The following KIF13B variants were observed in gnomAD, a reference collection of about 807,000 sequenced individuals.
KIF13B encodes kinesin-like protein KIF13B.
A neutral mutation model predicts 222.0 loss-of-function variants in KIF13B; 127 were observed. The ratio of observed to expected loss-of-function variants is 0.57; its 90% CI spans 0.50 to 0.66. The LOEUF (loss-of-function observed/expected upper bound fraction) is 0.66, where lower values mean the gene tolerates loss of function less well. Among genes scored for constraint, KIF13B ranks in the 30% least tolerant of loss-of-function variants. The pLI is 0.00. For synonymous variants in KIF13B, 976 were observed against 919.0 expected, an observed-to-expected ratio of 1.06 and a Z score of -1.12; for missense variants, 2,173 against 2,379.0, an observed-to-expected ratio of 0.91 and a Z score of 1.80.
chr8:29,186,771 C>G (rs568358245), intron 5 of KIF13B, among the ~76,000 whole-genome samples: 28 of 150,900 alleles, frequency 1.9e-4, no homozygotes, highest in African/African-American at 6.8e-4. Context: ...TCAGCCTGGG[C>G]AACAAGGTGA....
At chr8:29,171,007 T>C (rs981291890) in intron 10 of KIF13B, among the ~76,000 whole-genome samples, 14 of 152,192 alleles carry the variant, frequency 9.2e-5, no homozygotes, top group Admixed American at 1.3e-4. Flanking sequence ...TGTAGAAAGA[T>C]GTTGCAACCT....
At position 29,140,904 on chromosome 8, in the gene KIF13B, T is replaced by C. The variant is rs867827556; in HGVS notation, c.2335-287A>G. 8.5e-4 allele frequency among the ~76,000 whole-genome samples: 130 copies of C among 152,312 alleles called. 3 individuals are homozygous for C. The highest frequency in any genetic ancestry group is 6.8e-3 in the Middle Eastern group (2 of 294). On this transcript the variant is annotated intron_variant, in intron 19 of 39. Coordinates refer to ENST00000524189, the MANE Select transcript of KIF13B (RefSeq NM_015254.4). The stretch of plus-strand genomic sequence containing the variant: ...CTTTTATCAGCTATTCTCCTTTACA[T>C]GGAAATTTTGCCACAAAATAAACAA...
At chr8:29,155,923 A>C (rs1265135323) in intron 13 of KIF13B, 67 bp from the exon 14 acceptor site, 2 of 1,281,050 alleles carry the variant, frequency 1.6e-6, no homozygotes, top group East Asian at 2.5e-5. Flanking sequence ...AATCATTTAC[A>C]CTGAGCCCTC....
chr8:29,102,058 T>C (rs1473263854), intron 35 of KIF13B, among the ~76,000 whole-genome samples: 1 of 149,214 alleles, frequency 6.7e-6, no homozygotes, highest in Non-Finnish European at 1.5e-5. Context: ...CCTAGAGTTA[T>C]CCTCCCTTTA....
chr8:29,239,004 C>T (rs1197954514), intron 2 of KIF13B, among the ~76,000 whole-genome samples: 10 of 152,158 alleles, frequency 6.6e-5, no homozygotes, highest in Non-Finnish European at 1.5e-4. Flanking sequence ...CACCACTATA[C>T]GCCAGCCTGG....
At chr8:29,135,946 C>T (rs146939143) in intron 21 of KIF13B, among the ~76,000 whole-genome samples, 1 of 99,860 alleles carries the variant, frequency 1.0e-5, no homozygotes, top group African/African-American at 3.8e-5. Flanking sequence ...TGATGACACA[C>T]AAAATTACAC....
In KIF13B at chr8:29,217,303, AC is replaced by A. The variant is rs527336089; in HGVS notation, c.150-21105del. ...ATTTTCTCTTACAGCTTTATCCGTA[AC>A]TAAGGTGAAATGAGACAGAGGAAAA... On this transcript the variant is annotated intron_variant, in intron 2 of 39. Transcript: ENST00000524189. 4.0e-3 allele frequency among the ~76,000 whole-genome samples: 617 copies of A among 152,354 alleles called. 5 individuals carry two copies. Among genetic ancestry groups the A allele is most frequent in the African/African-American group, 0.014 (564 of 41,582 alleles).
intron 15 of KIF13B, among the ~76,000 whole-genome samples, chr8:29,149,091 A>C (rs1360483087): frequency 6.6e-6 from 1 of 152,188 alleles, no homozygotes; most frequent in Non-Finnish European, 1.5e-5. Context: ...GATAAGGAGA[A>C]AGCAGGACAG....
At chr8:29,225,375 A>C (rs1372691736) in intron 2 of KIF13B, among the ~76,000 whole-genome samples, 3 of 152,196 alleles carry the variant, frequency 2.0e-5, no homozygotes, top group Admixed American at 1.3e-4. Flanking sequence ...TCCTGAGTCA[A>C]AACTAGGTCT....
At chr8:29,148,392 A>C (rs1586843385) in intron 16 of KIF13B, among the ~76,000 whole-genome samples, 185 bp downstream of exon 16, 2 of 143,582 alleles carry the variant, frequency 1.4e-5, no homozygotes, top group South Asian at 2.2e-4. Context: ...CATTTTTAAC[A>C]CTCTACCGTT....
intron 2 of KIF13B, among the ~76,000 whole-genome samples, chr8:29,237,016 A>T (rs1216613146): frequency 1.3e-5 from 2 of 152,074 alleles, no homozygotes; most frequent in East Asian, 3.8e-4. Flanking sequence ...GATTAACCTA[A>T]CTCTCAGCTT....
chr8:29,084,332 A>C (rs1807946802), intron 37 of KIF13B, among the ~76,000 whole-genome samples: 1 of 152,258 alleles, frequency 6.6e-6, no homozygotes, highest in South Asian at 2.1e-4. Flanking sequence ...CTTGTGTACA[A>C]GGCAAGAATT....
At chr8:29,189,709 C>A (rs1813091625) in intron 4 of KIF13B, 1 of 152,350 alleles carries the variant, frequency 6.6e-6, no homozygotes, top group Non-Finnish European at 1.5e-5. Flanking sequence ...GGTTCCTTTT[C>A]TCCTTGGCCG....
chr8:29,175,416 G>C (rs576266227), intron 10 of KIF13B, among the ~76,000 whole-genome samples: 79 of 148,848 alleles, frequency 5.3e-4, no homozygotes, highest in African/African-American at 2.1e-3. Context: ...GAGAGGGCAA[G>C]AAGCGCCCTC....
rs774737620 is a variant in KIF13B at position 29,180,230 on chromosome 8, C to T, written c.594G>A (p.Glu198=). The change falls in exon 8 of 40, where the codon GAG becomes GAA. Residue 198 remains glutamate (E), a synonymous_variant. Coordinates refer to ENST00000524189, the MANE Select transcript of KIF13B (RefSeq NM_015254.4). ...ATTTGTTACCCTCAGACATCAACGA[C>T]TCAATATCCTAAGTGGAAACAAGTC... ...KLAVTSYKDI[E]SLMSEGNKSR... 2.2e-5 allele frequency: 35 copies of T among 1,613,878 alleles called. No individual in the cohort carries two copies. The highest frequency in any genetic ancestry group is 8.5e-7 in the Non-Finnish European group (1 of 1,179,882).
intron 6 of KIF13B, among the ~76,000 whole-genome samples, chr8:29,184,056 T>TA (rs1812827659): frequency 6.6e-6 from 1 of 152,186 alleles, no homozygotes. Flanking sequence ...ACCATGTAAC[T>TA]GGATAAAGTA....
intron 2 of KIF13B, among the ~76,000 whole-genome samples, chr8:29,212,883 C>G (rs1396249120): frequency 6.7e-6 from 1 of 150,112 alleles, no homozygotes; most frequent in Non-Finnish European, 1.5e-5. Flanking sequence ...ATCGTTATTC[C>G]TTTAAGTCTC....
intron 37 of KIF13B, among the ~76,000 whole-genome samples, chr8:29,079,923 A>G (rs1312968623): frequency 2.0e-5 from 3 of 152,224 alleles, no homozygotes; most frequent in Non-Finnish European, 4.4e-5. Context: ...TTAGTAGCCA[A>G]TCTTTCATTT....
intron 37 of KIF13B, among the ~76,000 whole-genome samples, chr8:29,079,092 A>G (rs569069540): frequency 6.6e-6 from 1 of 152,320 alleles, no homozygotes; most frequent in African/African-American, 2.4e-5. Flanking sequence ...CATGACATAT[A>G]CAATCTCCAA....
Sources: gnomAD v4.1 joint callset for allele counts (sites outside exome capture counted in the v4.1 genomes callset) on GRCh38, gnomAD v4.1.1 for gene constraint, MANE v1.5 for transcripts, NCBI Gene and HGNC (gene_info 2026-07-23, HGNC 2026-07-21) for gene names.